Variants in OXCT1 observed in about 807,000 individuals in gnomAD.
OXCT1 encodes 3-oxoacid CoA-transferase 1.
Under a neutral mutation model 69.6 loss-of-function variants are expected in OXCT1, and 27 were observed. The ratio of observed to expected loss-of-function variants is 0.39; its 90% CI spans 0.29 to 0.54. OXCT1 has a LOEUF of 0.54. Among genes scored for constraint, OXCT1 ranks in the 20% least tolerant of loss-of-function variants. The pLI is 0.72. For missense variants in OXCT1, 437 were observed against 650.2 expected, an observed-to-expected ratio of 0.67 and a Z score of 3.57; for synonymous variants, 202 against 217.8, an observed-to-expected ratio of 0.93 and a Z score of 0.64.
At chr5:41,837,988 G>A (rs1748451310) in intron 7 of OXCT1, among the ~76,000 whole-genome samples, 1 of 152,178 alleles carries the variant, frequency 6.6e-6, no homozygotes, top group Non-Finnish European at 1.5e-5. Context: ...TGCCTGAATA[G>A]TAGCTAACAT....
chr5:41,775,603 T>A (rs1410631151), intron 13 of OXCT1, among the ~76,000 whole-genome samples: 2 of 152,150 alleles, frequency 1.3e-5, no homozygotes, highest in South Asian at 4.1e-4. Context: ...TCATTGGCCA[T>A]TGGTGACTGA....
At chr5:41,858,497 T>C (rs527626301) in intron 3 of OXCT1, among the ~76,000 whole-genome samples, 13 of 152,310 alleles carry the variant, frequency 8.5e-5, no homozygotes, top group Non-Finnish European at 1.3e-4. Flanking sequence ...GCCAACATTT[T>C]TTAGCATACT....
chr5:41,741,396 G>A (rs1180022767), intron 15 of OXCT1, among the ~76,000 whole-genome samples: 1 of 152,162 alleles, frequency 6.6e-6, no homozygotes, highest in Non-Finnish European at 1.5e-5. Context: ...CCACTCTGCT[G>A]CACAACTGTT....
chr5:41,785,340 C>T (rs1198661231), intron 13 of OXCT1, among the ~76,000 whole-genome samples: 3 of 152,132 alleles, frequency 2.0e-5, no homozygotes, highest in Non-Finnish European at 4.4e-5. Flanking sequence ...GGGGGAACTG[C>T]CTAGAGGTAT....
intron 16 of OXCT1, among the ~76,000 whole-genome samples, chr5:41,733,639 A>G (rs1433617829): frequency 6.6e-6 from 1 of 152,198 alleles, no homozygotes; most frequent in East Asian, 1.9e-4. Context: ...AATTTTTTTA[A>G]CTAAACATCT....
At chr5:41,855,611 C>T (rs1196616119) in intron 3 of OXCT1, among the ~76,000 whole-genome samples, 1 of 152,162 alleles carries the variant, frequency 6.6e-6, no homozygotes, top group Non-Finnish European at 1.5e-5. Flanking sequence ...AGTGCTTATT[C>T]TACCACAGGT....
chr5:41,782,167 G>A (rs530682522), intron 13 of OXCT1, among the ~76,000 whole-genome samples: 1 of 148,784 alleles, frequency 6.7e-6, no homozygotes, highest in South Asian at 2.1e-4. Flanking sequence ...GAGTGAGATG[G>A]TATCTCATTC....
chr5:41,732,533 C>A (rs1039568917), intron 16 of OXCT1, among the ~76,000 whole-genome samples: 1 of 152,140 alleles, frequency 6.6e-6, no homozygotes, highest in Non-Finnish European at 1.5e-5. Context: ...GTACCAGGTT[C>A]AGATTCCTTA....
intron 7 of OXCT1, among the ~76,000 whole-genome samples, chr5:41,819,724 T>G (rs969668932): frequency 2.0e-5 from 3 of 151,732 alleles, no homozygotes; most frequent in South Asian, 2.1e-4. Context: ...TTAATTATTT[T>G]GTGAGAAATC....
intron 12 of OXCT1, 200 bp from the exon 13 acceptor site, chr5:41,794,278 TA>T: frequency 1.6e-6 from 1 of 623,930 alleles, no homozygotes; most frequent in Non-Finnish European, 2.9e-6. Context: ...AGTTACAGTA[TA>T]CATTGTTTCA....
chr5:41,763,584 T>C (rs537384102), intron 13 of OXCT1, among the ~76,000 whole-genome samples: 3 of 152,104 alleles, frequency 2.0e-5, no homozygotes, highest in Non-Finnish European at 4.4e-5. Context: ...ATGAGAAAGT[T>C]TGAGATTTGT....
intron 5 of OXCT1, among the ~76,000 whole-genome samples, chr5:41,846,364 G>A (rs1748906788): frequency 1.4e-5 from 2 of 142,812 alleles, no homozygotes; most frequent in Non-Finnish European, 3.0e-5. Context: ...TCCCACCTAT[G>A]AGTGAGAATA....
chr5:41,824,345 T>C (rs1440839099), intron 7 of OXCT1, among the ~76,000 whole-genome samples: 1 of 152,200 alleles, frequency 6.6e-6, no homozygotes, highest in Non-Finnish European at 1.5e-5. Flanking sequence ...CTTCAACTTA[T>C]ATTACCATTA....
chr5:41,831,650 T>A (rs1748101990), intron 7 of OXCT1, among the ~76,000 whole-genome samples: 1 of 152,118 alleles, frequency 6.6e-6, no homozygotes, highest in Admixed American at 6.6e-5. Flanking sequence ...CTTTGCACTG[T>A]AATATCTGGT....
chr5:41,784,734 A>G (rs1008758393), intron 13 of OXCT1, among the ~76,000 whole-genome samples: 4 of 152,240 alleles, frequency 2.6e-5, no homozygotes, highest in African/African-American at 9.6e-5. Flanking sequence ...CTGTGAGGAT[A>G]AAATGGCAAT....
At chr5:41,737,904 A>C (rs1460501730) in intron 16 of OXCT1, among the ~76,000 whole-genome samples, 2 of 152,108 alleles carry the variant, frequency 1.3e-5, no homozygotes, top group East Asian at 1.9e-4. Flanking sequence ...AAATACAAAA[A>C]ATTAGCCGGG....
intron 7 of OXCT1, among the ~76,000 whole-genome samples, chr5:41,822,325 G>A (rs1747594683): frequency 6.6e-6 from 1 of 152,072 alleles, no homozygotes; most frequent in African/African-American, 2.4e-5. Flanking sequence ...GAGGAGACCA[G>A]AAATAAGAAC....
intron 13 of OXCT1, among the ~76,000 whole-genome samples, chr5:41,788,807 TACCCAAC>T (rs1327901210): frequency 8.5e-5 from 13 of 152,116 alleles, no homozygotes; most frequent in Non-Finnish European, 8.8e-5. Flanking sequence ...CAGAACACTG[TACCCAAC>T]AAGAGCAGAA....
At chr5:41,842,359 T>C (rs1428357366) in intron 6 of OXCT1, among the ~76,000 whole-genome samples, 1 of 152,220 alleles carries the variant, frequency 6.6e-6, no homozygotes, top group Non-Finnish European at 1.5e-5. Flanking sequence ...AATTGTATGA[T>C]GTCACATTTT....
Sources: allele counts gnomAD v4.1 joint callset (sites outside exome capture counted in the v4.1 genomes callset), GRCh38; gene constraint gnomAD v4.1.1; transcripts MANE v1.5; gene names NCBI Gene and HGNC (gene_info 2026-07-23, HGNC 2026-07-21).